NRCAM: variants seen among roughly 807,000 people sequenced by gnomAD.
NRCAM encodes NgCAM-related cell adhesion molecule.
In NRCAM, 83 loss-of-function variants were observed where a neutral mutation model predicts 156.5. That is an observed-to-expected ratio of 0.53 (90% CI 0.44 to 0.64). The LOEUF is 0.64. Among genes scored for constraint, NRCAM ranks in the 30% least tolerant of loss-of-function variants. The probability of loss-of-function intolerance (pLI) is 0.00; values close to 1 mark genes in which losing one functional copy is unlikely to be tolerated. For missense variants in NRCAM, 1,417 were observed against 1,597.3 expected (o/e 0.89, Z 1.92); for synonymous variants, 538 against 563.9 (o/e 0.95, Z 0.65).
chr7:108,239,023 C>T (rs1223703211), intron 4 of NRCAM, among the ~76,000 whole-genome samples: 1 of 152,074 alleles, frequency 6.6e-6, no homozygotes, highest in East Asian at 1.9e-4. Context: ...GAAAGCTTGC[C>T]AAACAGATAT....
At chr7:108,178,194 C>G in intron 25 of NRCAM, 82 bp from the exon 26 acceptor site, 1 of 1,453,030 alleles carries the variant, frequency 6.9e-7, no homozygotes, top group African/African-American at 1.4e-5. Flanking sequence ...CGTGCTCGCA[C>G]GATTCAAGGT....
chr7:108,392,830 T>C (rs7797885), intron 2 of NRCAM, among the ~76,000 whole-genome samples: 37,546 of 152,058 alleles, frequency 0.25, 4,920 homozygotes, highest in Non-Finnish European at 0.28. Context: ...TTGCTGGAGG[T>C]CTACTTCAGA....
chr7:108,272,992 G>A (rs1033578802), intron 3 of NRCAM, among the ~76,000 whole-genome samples: 6 of 152,104 alleles, frequency 3.9e-5, no homozygotes, highest in Non-Finnish European at 8.8e-5. Context: ...GTGAGAACAT[G>A]TGGTGTTTGG....
intron 7 of NRCAM, among the ~76,000 whole-genome samples, chr7:108,232,024 T>TGGGC (rs2094398153): frequency 6.6e-6 from 1 of 152,190 alleles, no homozygotes; most frequent in South Asian, 2.1e-4. Flanking sequence ...GGAATTTCAC[T>TGGGC]TTCACAGGAG....
In NRCAM at chr7:108,313,888, T is replaced by C. The variant is rs113678607; in HGVS notation, c.-173-1157A>G. Among the ~76,000 whole-genome samples, 99 of 152,286 alleles carry C rather than the reference T, an allele frequency of 6.5e-4. 1 individual carries two copies. Among genetic ancestry groups the C allele is most frequent in the African/African-American group, 2.4e-3 (98 of 41,556 alleles). ...AACAACTCAATTCAGCAAACTTATATTGAGCACTTAATACATATCCGCCAA... is the reference window on the plus strand; with the variant it reads ...AACAACTCAATTCAGCAAACTTATACTGAGCACTTAATACATATCCGCCAA... On this transcript the variant is annotated intron_variant, in intron 2 of 32. Transcript: ENST00000379028.
chr7:108,399,050 T>A (rs1423720544), intron 2 of NRCAM, among the ~76,000 whole-genome samples: 1 of 152,138 alleles, frequency 6.6e-6, no homozygotes, highest in African/African-American at 2.4e-5. Flanking sequence ...TATCGTTTGA[T>A]CCTTAAAACA....
chr7:108,234,681 C>T lies in NRCAM; in HGVS notation c.132G>A (p.Gln44=). 1 of 1,593,156 alleles carries T rather than the reference C, an allele frequency of 6.3e-7. No individual in the cohort carries two copies. Among genetic ancestry groups the T allele is most frequent in the Admixed American group, 1.7e-5 (1 of 59,724 alleles). ...GAGACTGTTGGGTGATGGTTGGAGG[C>T]TGTACCACTTAATTGTAGAAAAAAA... is the stretch of plus-strand genomic sequence containing the variant. ...LDPKLLEDLV[Q]PPTITQQSPK... Residue 44 remains glutamine, a synonymous_variant, in exon 6 of 33, where the codon CAG becomes CAA. Coordinates refer to ENST00000379028, the MANE Select transcript of NRCAM (RefSeq NM_001037132.4).
chr7:108,304,131 T>G (rs2098678256), intron 3 of NRCAM, among the ~76,000 whole-genome samples: 1 of 152,222 alleles, frequency 6.6e-6, no homozygotes, highest in African/African-American at 2.4e-5. Context: ...GGTTTACTTG[T>G]TTTCTCTTTT....
chr7:108,228,764 TGGCAGTGGTATTC>T (rs1385695739), intron 8 of NRCAM, among the ~76,000 whole-genome samples: 1 of 152,224 alleles, frequency 6.6e-6, no homozygotes, highest in South Asian at 2.1e-4. Flanking sequence ...AGCCTTATTT[TGGCAGTGGTATTC>T]GGAGAGCATT....
chr7:108,389,541 CTTTA>C (rs2099752922), intron 2 of NRCAM, among the ~76,000 whole-genome samples: 1 of 152,150 alleles, frequency 6.6e-6, no homozygotes. Flanking sequence ...ACTGAATACC[CTTTA>C]TTTCTTTCTC....
At chr7:108,359,961 T>C (rs772940708) in intron 2 of NRCAM, among the ~76,000 whole-genome samples, 1 of 152,238 alleles carries the variant, frequency 6.6e-6, no homozygotes, top group African/African-American at 2.4e-5. Context: ...TGCTATCATA[T>C]AACATGTGCT....
At chr7:108,343,034 A>T (rs532967699) in intron 2 of NRCAM, among the ~76,000 whole-genome samples, 23 of 152,362 alleles carry the variant, frequency 1.5e-4, no homozygotes, top group Admixed American at 5.2e-4. Flanking sequence ...TACGCCACTC[A>T]AGGGGACCTT....
rs567655222 is a variant in NRCAM at position 108,276,114 on chromosome 7, C to A, written c.-106-35944G>T. ...GTCTGAGAGGCAGTTTGTGTGATTT[C>A]TTTTCTTTTACATTTGCTGAGGAGT... On this transcript the variant is annotated intron_variant, in intron 3 of 32. Transcript: ENST00000379028. 8.3e-4 allele frequency among the ~76,000 whole-genome samples: 126 copies of A among 152,210 alleles called. 1 individual carries two copies. Among genetic ancestry groups the A allele is most frequent in the African/African-American group, 3.0e-3 (123 of 41,530 alleles).
intron 1 of NRCAM, among the ~76,000 whole-genome samples, chr7:108,426,895 C>T (rs1169157962): frequency 1.3e-5 from 2 of 152,196 alleles, no homozygotes; most frequent in African/African-American, 4.8e-5. Flanking sequence ...TTGAACAACG[C>T]TTTCATCATC....
chr7:108,408,328 AT>A (rs1476783039), intron 1 of NRCAM, among the ~76,000 whole-genome samples: 1 of 152,224 alleles, frequency 6.6e-6, no homozygotes, highest in Non-Finnish European at 1.5e-5. Context: ...TTAAATATTG[AT>A]TTGTCTAGGA....
intron 2 of NRCAM, among the ~76,000 whole-genome samples, chr7:108,396,506 G>T (rs1299401572): frequency 6.6e-6 from 1 of 152,196 alleles, no homozygotes; most frequent in Non-Finnish European, 1.5e-5. Context: ...GACCAAATCA[G>T]AAATATCTTG....
intron 30 of NRCAM, among the ~76,000 whole-genome samples, chr7:108,161,299 C>T (rs930735050): frequency 6.6e-6 from 1 of 152,190 alleles, no homozygotes; most frequent in Admixed American, 6.5e-5. Flanking sequence ...CAGTTTGCAT[C>T]TATTCTGTTT....
At chr7:108,442,949 T>C (rs1840243453) in intron 1 of NRCAM, among the ~76,000 whole-genome samples, 1 of 114,514 alleles carries the variant, frequency 8.7e-6, no homozygotes, top group Admixed American at 8.4e-5. Context: ...TGCTGGATGT[T>C]GGTAGATTCT....
Position 108,168,408 on chromosome 7 carries a change from C to T in NRCAM, c.3188-6G>A. ...CCTGGGATTTACTGCTTGAACTAAACATACAATAGAAAAATAAAACAAACA... is the reference window on the plus strand; with the variant it reads ...CCTGGGATTTACTGCTTGAACTAAATATACAATAGAAAAATAAAACAAACA... On this transcript the variant is annotated splice_region_variant and splice_polypyrimidine_tract_variant and intron_variant, in intron 28 of 32. Coordinates refer to ENST00000379028, the MANE Select transcript of NRCAM (RefSeq NM_001037132.4). 1.3e-6 allele frequency: 2 copies of T among 1,589,394 alleles called. No individual in the cohort carries two copies. Among genetic ancestry groups the T allele is most frequent in the South Asian group, 2.3e-5 (2 of 85,380 alleles).
Sources: gnomAD v4.1 joint callset for allele counts (sites outside exome capture counted in the v4.1 genomes callset) on GRCh38, gnomAD v4.1.1 for gene constraint, MANE v1.5 for transcripts, NCBI Gene and HGNC (gene_info 2026-07-23, HGNC 2026-07-21) for gene names.